CLVS1: variants seen among roughly 807,000 people sequenced by gnomAD.
CLVS1 encodes clavesin 1.
A neutral mutation model predicts 33.1 loss-of-function variants in CLVS1; 10 were observed. The ratio of observed to expected loss-of-function variants is 0.30; its 90% confidence interval spans 0.19 to 0.51. The LOEUF (loss-of-function observed/expected upper bound fraction) is 0.51. CLVS1 is among the 20% of genes least tolerant of loss of function. The pLI is 0.97. For missense variants in CLVS1, 343 were observed against 433.4 expected (o/e 0.79, Z 1.85); for synonymous variants, 163 against 166.1 (o/e 0.98, Z 0.14).
intron 2 of CLVS1, among the ~76,000 whole-genome samples, chr8:61,359,219 T>G (rs1812870980): frequency 6.6e-6 from 1 of 152,240 alleles, no homozygotes; most frequent in Non-Finnish European, 1.5e-5. Flanking sequence ...GTAACTGGAT[T>G]ATGTCCACCA....
chr8:61,108,843 C>T (rs1424122432), intron 1 of CLVS1, among the ~76,000 whole-genome samples: 2 of 152,210 alleles, frequency 1.3e-5, no homozygotes, highest in Admixed American at 1.3e-4. Context: ...AGTCAGGGGC[C>T]TGAGGGTATT....
At chr8:61,213,547 T>G (rs1808016094) in intron 2 of CLVS1, among the ~76,000 whole-genome samples, 1 of 151,822 alleles carries the variant, frequency 6.6e-6, no homozygotes, top group African/African-American at 2.4e-5. Context: ...TTATAATTTC[T>G]TATGCCTGTC....
chr8:61,349,656 T>C (rs1812366824), intron 2 of CLVS1, among the ~76,000 whole-genome samples: 1 of 152,158 alleles, frequency 6.6e-6, no homozygotes, highest in African/African-American at 2.4e-5. Flanking sequence ...CTTCTTAATT[T>C]TCTGTTTGGA....
chr8:61,081,152 G>A (rs1032247535), intron 1 of CLVS1, among the ~76,000 whole-genome samples: 3 of 152,136 alleles, frequency 2.0e-5, no homozygotes, highest in Non-Finnish European at 2.9e-5. Flanking sequence ...TTCTGAGGAG[G>A]CACTGAAATG....
chr8:61,283,101 G>A (rs2931292), upstream of CLVS1, among the ~76,000 whole-genome samples: 83,447 of 152,082 alleles, frequency 0.55, 23,896 homozygotes, highest in East Asian at 0.97. Flanking sequence ...CTGAGATCCC[G>A]CAGCTAAATA....
chr8:61,172,508 AAAT>A lies in CLVS1; in HGVS notation c.-152+40651_-152+40653del, dbSNP rs564786201. 6.0e-4 allele frequency among the ~76,000 whole-genome samples: 91 copies of A among 152,334 alleles called. 1 individual carries two copies. Among genetic ancestry groups the A allele is most frequent in the Admixed American group, 3.1e-3 (48 of 15,300 alleles). On this transcript the variant is annotated intron_variant, in intron 2 of 2. Coordinates refer to the CLVS1 transcript ENST00000522621. ...ACATGTATTATTTTAAAAGTAGAAA[AAAT>A]AAAATAATAAATAACATGAACAATT...
chr8:61,389,402 G>A (rs1427843917), intron 3 of CLVS1, among the ~76,000 whole-genome samples: 2 of 152,136 alleles, frequency 1.3e-5, no homozygotes, highest in East Asian at 1.9e-4. Context: ...TTAGCCAGAT[G>A]TGGTGGCACA....
rs188594098 is a variant in CLVS1 at position 61,333,338 on chromosome 8, C to T, written c.455+33056C>T. Among the ~76,000 whole-genome samples the T allele has an allele frequency of 1.2e-4, 19 of 152,204 alleles. No homozygotes were observed. In the East Asian group the frequency reaches 3.7e-3, roughly 29 times the overall value. ...TCAAAGCTCAGTCAGTGAATTGTGA[C>T]AGTTGTTAAATCTTTACAGGCCACA... is the stretch of plus-strand genomic sequence containing the variant. On this transcript the variant is annotated intron_variant, in intron 2 of 5. Coordinates refer to ENST00000325897, the MANE Select transcript of CLVS1 (RefSeq NM_173519.3).
the CLVS1 span, among the ~76,000 whole-genome samples, chr8:60,984,635 T>C: frequency 6.6e-6 from 1 of 152,148 alleles, no homozygotes; most frequent in East Asian, 1.9e-4. Flanking sequence ...GCCCATAAAG[T>C]CTAGTTCTAT....
intron 2 of CLVS1, among the ~76,000 whole-genome samples, chr8:61,229,589 G>A (rs894137347): frequency 6.6e-6 from 1 of 152,170 alleles, no homozygotes; most frequent in African/African-American, 2.4e-5. Context: ...AAAAGCCCTG[G>A]ATTCAAGAAA....
chr8:61,052,388 G>T (rs970774144), upstream of CLVS1, among the ~76,000 whole-genome samples: 1 of 152,196 alleles, frequency 6.6e-6, no homozygotes, highest in South Asian at 2.1e-4. Context: ...ACCATGAAGG[G>T]CGACAGGAAT....
chr8:61,016,866 G>T, the CLVS1 span, among the ~76,000 whole-genome samples: 1 of 152,162 alleles, frequency 6.6e-6, no homozygotes, highest in Non-Finnish European at 1.5e-5. Context: ...TGGAAAGAGG[G>T]GTACTGTTTA....
chr8:61,315,175 A>T (rs1810969218), intron 2 of CLVS1, among the ~76,000 whole-genome samples: 1 of 152,182 alleles, frequency 6.6e-6, no homozygotes, highest in Admixed American at 6.5e-5. Context: ...CTCTCCCCAA[A>T]CTAACAGAAA....
At chr8:61,396,560 A>G (rs1172806131) in intron 3 of CLVS1, among the ~76,000 whole-genome samples, 1 of 152,206 alleles carries the variant, frequency 6.6e-6, no homozygotes, top group African/African-American at 2.4e-5. Flanking sequence ...CATGTAAGAC[A>G]CTGATGTAAA....
chr8:61,367,416 C>T (rs1813257033), intron 2 of CLVS1, among the ~76,000 whole-genome samples: 1 of 152,294 alleles, frequency 6.6e-6, no homozygotes, highest in South Asian at 2.1e-4. Context: ...CTCCTTCTGC[C>T]CTTTCCCTTC....
At chr8:61,204,395 A>G (rs909160384) in intron 2 of CLVS1, among the ~76,000 whole-genome samples, 9 of 152,294 alleles carry the variant, frequency 5.9e-5, no homozygotes, top group Non-Finnish European at 1.3e-4. Flanking sequence ...GAAGCAAATT[A>G]TTGGATTTGT....
chr8:61,253,863 GA>G (rs1563464117), intron 2 of CLVS1, among the ~76,000 whole-genome samples: 1 of 152,094 alleles, frequency 6.6e-6, no homozygotes, highest in Non-Finnish European at 1.5e-5. Context: ...CCATGGGTTC[GA>G]ACTTCCTTCT....
At chr8:61,071,481 C>T (rs1804795290) in intron 1 of CLVS1, among the ~76,000 whole-genome samples, 1 of 152,162 alleles carries the variant, frequency 6.6e-6, no homozygotes, top group Non-Finnish European at 1.5e-5. Flanking sequence ...TCTCCCTTGG[C>T]CTCTCTCTTA....
intron 5 of CLVS1, among the ~76,000 whole-genome samples, chr8:61,459,532 C>T (rs963419549): frequency 1.1e-4 from 16 of 146,642 alleles, no homozygotes; most frequent in African/African-American, 3.7e-4. Flanking sequence ...CCCCAAAGTC[C>T]ATTGTATTCT....
Sources: allele counts gnomAD v4.1 joint callset (sites outside exome capture counted in the v4.1 genomes callset), GRCh38; gene constraint gnomAD v4.1.1; transcripts MANE v1.5; gene names NCBI Gene and HGNC (gene_info 2026-07-23, HGNC 2026-07-21).